Variants in TBX15 observed in about 807,000 individuals in gnomAD.
TBX15 encodes T-box transcription factor TBX15.
TBX15 carries 18 observed loss-of-function variants against 53.9 expected under a neutral mutation model. That is an observed-to-expected ratio of 0.33 (90% CI 0.23 to 0.49). The LOEUF (loss-of-function observed/expected upper bound fraction) is 0.49, where lower values mean the gene tolerates loss of function less well. TBX15 is among the 20% of genes least tolerant of loss of function. The pLI is 0.98. For missense variants in TBX15, 692 were observed against 749.5 expected (o/e 0.92, Z 0.90); for synonymous variants, 295 against 278.0 (o/e 1.06, Z -0.61).
chr1:118,980,054 G>A (rs558404137), intron 1 of TBX15, among the ~76,000 whole-genome samples: 2 of 152,358 alleles, frequency 1.3e-5, no homozygotes, highest in Admixed American at 1.3e-4. Context: ...AAACTGCGCT[G>A]TTTTTCCAGA....
At chr1:118,969,788 C>T (rs1378522825) in intron 1 of TBX15, among the ~76,000 whole-genome samples, 1 of 152,208 alleles carries the variant, frequency 6.6e-6, no homozygotes, top group East Asian at 1.9e-4. Flanking sequence ...TTATTCTGAT[C>T]ATTTACATAT....
At chr1:118,986,618 G>A (rs1304381631) in intron 1 of TBX15, among the ~76,000 whole-genome samples, 1 of 152,162 alleles carries the variant, frequency 6.6e-6, no homozygotes, top group East Asian at 1.9e-4. Flanking sequence ...AGTGCAGGCC[G>A]CTGCCCCCTC....
At chr1:118,965,602 C>G (rs1489730425) in intron 1 of TBX15, among the ~76,000 whole-genome samples, 1 of 152,070 alleles carries the variant, frequency 6.6e-6, no homozygotes, top group Non-Finnish European at 1.5e-5. Context: ...TAAGTGCTAT[C>G]ACAAGAATGC....
At chr1:118,984,468 G>T (rs769426394) in intron 1 of TBX15, among the ~76,000 whole-genome samples, 4 of 152,272 alleles carry the variant, frequency 2.6e-5, no homozygotes, top group Admixed American at 6.5e-5. Flanking sequence ...TGAGGTCCGA[G>T]CGCAGATGGC....
At chr1:118,918,578 G>A (rs566075534) in intron 5 of TBX15, among the ~76,000 whole-genome samples, 1 of 152,284 alleles carries the variant, frequency 6.6e-6, no homozygotes, top group South Asian at 2.1e-4. Context: ...CAGTGATAAT[G>A]AGAAGACAGG....
intron 1 of TBX15, among the ~76,000 whole-genome samples, chr1:118,949,155 G>A (rs1284902557): frequency 1.3e-5 from 2 of 152,178 alleles, no homozygotes; most frequent in African/African-American, 4.8e-5. Context: ...CATGGACACA[G>A]GAGTCAGGAA....
At chr1:118,989,507 T>C (rs966307333), upstream of TBX15, 4 of 152,158 alleles carry the variant, frequency 2.6e-5, no homozygotes, top group Admixed American at 6.5e-5. Flanking sequence ...CTTCCAGTCC[T>C]AGTGCCCTGG....
chr1:118,905,380 T>G (rs1312033362), intron 6 of TBX15, among the ~76,000 whole-genome samples: 2 of 152,222 alleles, frequency 1.3e-5, no homozygotes, highest in African/African-American at 4.8e-5. Flanking sequence ...GCCAATTTTC[T>G]CTGGCAAGGC....
At chr1:118,916,025 T>C (rs746838923) in intron 5 of TBX15, among the ~76,000 whole-genome samples, 5 of 152,206 alleles carry the variant, frequency 3.3e-5, no homozygotes. Context: ...ATTAGGGAGC[T>C]TTATGAAGAG....
chr1:118,892,621 C>G (rs1432167769), intron 7 of TBX15, among the ~76,000 whole-genome samples: 1 of 152,026 alleles, frequency 6.6e-6, no homozygotes, highest in East Asian at 1.9e-4. Context: ...TTAGGATGCC[C>G]AGAATTAAGT....
chr1:118,923,381 T>C (rs762029778), intron 5 of TBX15, 55 bp downstream of exon 5: 86 of 1,608,160 alleles, frequency 5.3e-5, no homozygotes, highest in Non-Finnish European at 6.7e-5. Context: ...AGGAATCTTA[T>C]GCAGAAGGAC....
chr1:118,958,512 A>AT (rs1162425560), intron 1 of TBX15, among the ~76,000 whole-genome samples: 5 of 152,128 alleles, frequency 3.3e-5, no homozygotes, highest in Admixed American at 6.5e-5. Context: ...TTCAACATAG[A>AT]TTTTTTTACA....
In TBX15 at chr1:118,898,995, T is replaced by C. The variant is rs77826885; in HGVS notation, c.1024+33A>G. The C allele has an allele frequency of 4.8e-4, 771 of 1,605,928 alleles. 5 individuals are homozygous for C. In the African/African-American group the frequency reaches 9.4e-3, roughly 20 times the overall value. On this transcript the variant is annotated intron_variant, in intron 7 of 7. Transcript: ENST00000369429. ...AGCTCCCACTCTGTCCCTGGCCCTA[T>C]CACTAAGCAGAGGCCTTGCTCCAGG...
At chr1:118,966,578 A>G (rs962806664) in intron 1 of TBX15, among the ~76,000 whole-genome samples, 16 of 152,192 alleles carry the variant, frequency 1.1e-4, no homozygotes, top group Non-Finnish European at 2.9e-5. Flanking sequence ...CACACTGCCC[A>G]GGGTAAGGAA....
At chr1:118,951,948 G>T (rs893637836) in intron 1 of TBX15, among the ~76,000 whole-genome samples, 2 of 152,214 alleles carry the variant, frequency 1.3e-5, no homozygotes, top group African/African-American at 4.8e-5. Context: ...TAGGGCTGCA[G>T]TTGAAGTTGA....
In TBX15 at chr1:118,940,863, C is replaced by T. The variant is rs754512311; in HGVS notation, c.206-9031G>A. ...ACCAACTTTTGGGTTAGAAAATATT[C>T]GTGATGAACACACAGACAGTGCATA... On this transcript the variant is annotated intron_variant, in intron 1 of 7. Coordinates refer to ENST00000369429, the MANE Select transcript of TBX15 (RefSeq NM_001330677.2). 5.3e-5 allele frequency among the ~76,000 whole-genome samples: 8 copies of T among 151,990 alleles called. No homozygotes were observed. In the South Asian group the frequency reaches 6.2e-4, roughly 12 times the overall value.
intron 2 of TBX15, 77 bp from the exon 3 acceptor site, chr1:118,926,688 GGTTTTTTTGTTTGTTT>G (rs1417060127): frequency 1.7e-5 from 21 of 1,267,804 alleles, no homozygotes; most frequent in Non-Finnish European, 2.4e-5. Context: ...AAACAATGTG[GGTTTTTTTGTTTGTTT>G]GTTTTCTTGT....
rs192809125 is a variant in TBX15 at position 118,980,855 on chromosome 1, C to T, written c.205+6736G>A. 2.1e-4 allele frequency among the ~76,000 whole-genome samples: 32 copies of T among 151,504 alleles called. No individual in the cohort carries two copies. The East Asian group carries it at 5.6e-3, about 27-fold the overall frequency. On this transcript the variant is annotated intron_variant, in intron 1 of 7. Coordinates refer to ENST00000369429, the MANE Select transcript of TBX15 (RefSeq NM_001330677.2). ...TTTTTTTTTTCCTTCTTTTTTGAGA[C>T]GGAGTCTTGCTCTGTCACCCAGGTT...
In TBX15 at chr1:118,987,931, CG is replaced by C. The variant is rs1657899257; in HGVS notation, c.-137del. On this transcript the variant is annotated 5_prime_UTR_variant, in exon 1 of 8. Coordinates refer to ENST00000369429, the MANE Select transcript of TBX15 (RefSeq NM_001330677.2). ...CGGACGAGGCTGAGACTGCGGCTCG[CG>C]GGTCTCTCCACCCTCCCCCTGCGTC... 1 of 1,087,828 alleles carries C rather than the reference CG, an allele frequency of 9.2e-7. No individual in the cohort carries two copies. Among genetic ancestry groups the C allele is most frequent in the African/African-American group, 1.6e-5 (1 of 63,536 alleles). The allele number at this position is 1,087,828 out of a possible 1,614,324, so 67.4% of individuals were successfully genotyped here. A position where few individuals can be genotyped will look rare whatever the true frequency, so the allele number is the denominator to read the frequency against.
Sources: gnomAD v4.1 joint callset for allele counts (sites outside exome capture counted in the v4.1 genomes callset) on GRCh38, gnomAD v4.1.1 for gene constraint, MANE v1.5 for transcripts, NCBI Gene and HGNC (gene_info 2026-07-23, HGNC 2026-07-21) for gene names.